AKAP13: variants seen among roughly 807,000 people sequenced by gnomAD.
AKAP13 encodes the protein A-kinase anchoring protein 13.
In AKAP13, 80 loss-of-function variants were observed where a neutral mutation model predicts 264.5. The ratio of observed to expected loss-of-function variants is 0.30; its 90% CI spans 0.25 to 0.36. The LOEUF (loss-of-function observed/expected upper bound fraction) is 0.36. Ranked by LOEUF, AKAP13 falls within the 10% of genes least tolerant of loss-of-function variation. AKAP13 has a pLI of 1.00. For synonymous variants in AKAP13, 1,380 were observed against 1,250.2 expected (o/e 1.10, Z -2.19); for missense variants, 3,712 against 3,435.2 (o/e 1.08, Z -2.01).
intron 1 of AKAP13, among the ~76,000 whole-genome samples, chr15:85,385,298 T>G (rs1196876936): frequency 6.8e-6 from 1 of 146,798 alleles, no homozygotes; most frequent in Non-Finnish European, 1.5e-5. Context: ...TATAGTTGAT[T>G]AAGAAAAATT....
At chr15:85,687,848 G>C (rs1468775448) in intron 16 of AKAP13, among the ~76,000 whole-genome samples, 1 of 152,020 alleles carries the variant, frequency 6.6e-6, no homozygotes, top group Non-Finnish European at 1.5e-5. Flanking sequence ...AGGTCAGCCT[G>C]GGCAGTATAG....
At chr15:85,525,913 G>A (rs780853962) in intron 3 of AKAP13, among the ~76,000 whole-genome samples, 2 of 152,192 alleles carry the variant, frequency 1.3e-5, no homozygotes, top group Non-Finnish European at 2.9e-5. Context: ...AGGATGTTTA[G>A]TGGGTTTTGT....
chr15:85,589,848 A>G (rs1223844379), intron 8 of AKAP13, among the ~76,000 whole-genome samples: 2 of 152,160 alleles, frequency 1.3e-5, no homozygotes, highest in African/African-American at 4.8e-5. Context: ...AAAAGAAGCA[A>G]GCAGATTTCT....
At chr15:85,564,140 G>C (rs958914666) in intron 5 of AKAP13, among the ~76,000 whole-genome samples, 1 of 152,112 alleles carries the variant, frequency 6.6e-6, no homozygotes, top group Non-Finnish European at 1.5e-5. Flanking sequence ...AATAATACTA[G>C]TTTCTTCCCT....
chr15:85,489,293 G>A (rs1297363523), intron 2 of AKAP13, among the ~76,000 whole-genome samples: 1 of 152,180 alleles, frequency 6.6e-6, no homozygotes, highest in Non-Finnish European at 1.5e-5. Context: ...TAAGTGCTTT[G>A]TATATGTTTG....
At chr15:85,595,989 C>CT (rs2079808625) in intron 8 of AKAP13, among the ~76,000 whole-genome samples, 1 of 152,176 alleles carries the variant, frequency 6.6e-6, no homozygotes, top group African/African-American at 2.4e-5. Context: ...CTTCCTGCCT[C>CT]TTTCATTTCA....
rs1421947298 is a variant in AKAP13, at chr15:85,521,511, C to T, written c.117C>T (p.Ser39=). ...TGTTTTACTTGGTATTTTTGGGTTC[C>T]ACCCTCCGTCACTGTACAAGTACTC... ...DVVFYLVFLG[S]TLRHCTSTRK... Residue 39 remains serine (S), a synonymous_variant, in exon 3 of 37, where the codon TCC becomes TCT. Transcript: ENST00000394518. 1.2e-6 allele frequency: 2 copies of T among 1,613,988 alleles called. No individual in the cohort carries two copies. Among genetic ancestry groups the T allele is most frequent in the East Asian group, 2.2e-5 (1 of 44,888 alleles).
intron 36 of AKAP13, chr15:85,744,194 G>A: frequency 3.3e-6 from 1 of 300,646 alleles, no homozygotes; most frequent in Non-Finnish European, 6.2e-6. Context: ...GTATGAAGTT[G>A]GCACTGCTAA....
chr15:85,637,357 T>G (rs1205891202), intron 8 of AKAP13, among the ~76,000 whole-genome samples: 1 of 152,220 alleles, frequency 6.6e-6, no homozygotes, highest in Admixed American at 6.5e-5. Context: ...CTATGTTTTC[T>G]TGAGTGAATT....
At chr15:85,698,446 C>T (rs1185690446) in intron 17 of AKAP13, among the ~76,000 whole-genome samples, 1 of 104,786 alleles carries the variant, frequency 9.5e-6, no homozygotes, top group Non-Finnish European at 1.8e-5. Flanking sequence ...GTCTGGGTGA[C>T]AGAGCAAGAC....
At chr15:85,442,425 T>A (rs911456564) in intron 1 of AKAP13, among the ~76,000 whole-genome samples, 9,940 of 85,142 alleles carry the variant, frequency 0.12, 840 homozygotes, top group Non-Finnish European at 0.16. Flanking sequence ...AAAAAAAAAA[T>A]ATATATATAT....
rs1480162365 is a variant in AKAP13, at chr15:85,582,012, C to A, written c.3944C>A (p.Pro1315His). ...PGESLPMGST[P>H]EEATGSLAGC... is the part of the protein sequence containing the mutation. The stretch of plus-strand genomic sequence containing the variant: ...GAGAGCCTACCAATGGGCAGTACTC[C>A]TGAGGAAGCCACGGGGAGCCTTGCA... Residue 1315 changes from proline (P) to histidine (H), a missense_variant, in exon 7 of 37, where the codon CCT (proline) becomes CAT (histidine). Coordinates refer to ENST00000394518, the MANE Select transcript of AKAP13 (RefSeq NM_007200.5). 3 of 1,614,012 alleles carry A rather than the reference C, an allele frequency of 1.9e-6. No individual in the cohort carries two copies. Among genetic ancestry groups the A allele is most frequent in the Non-Finnish European group, 2.5e-6 (3 of 1,180,020 alleles).
At chr15:85,668,936 C>CT (rs2083754264) in intron 13 of AKAP13, among the ~76,000 whole-genome samples, 1 of 151,968 alleles carries the variant, frequency 6.6e-6, no homozygotes, top group Non-Finnish European at 1.5e-5. Flanking sequence ...CAGTGAGACT[C>CT]TGTCTCAAAA....
At chr15:85,730,809 G>A (rs2087945185) in intron 30 of AKAP13, 102 bp downstream of exon 30, 1 of 1,046,966 alleles carries the variant, frequency 9.6e-7, no homozygotes, top group Non-Finnish European at 1.4e-6. Context: ...AAGCACAAAT[G>A]CAGAAAATTA....
At chr15:85,542,213 A>C (rs925291665) in intron 4 of AKAP13, among the ~76,000 whole-genome samples, 11 of 152,300 alleles carry the variant, frequency 7.2e-5, no homozygotes, top group African/African-American at 2.6e-4. Context: ...TTGATTATTA[A>C]AATTTGTACC....
rs770528600 is a variant in AKAP13 at position 85,521,579 on chromosome 15, A to T, written c.181+4A>T. On this transcript the variant is annotated splice_donor_region_variant and intron_variant, in intron 3 of 36. Transcript: ENST00000394518. Reference sequence around the variant, plus strand: ...ACATTGGAGACCATTGCTCCTGGTAAGTATTTGAATGGGATCCTTACTAGC... The same window carrying T: ...ACATTGGAGACCATTGCTCCTGGTATGTATTTGAATGGGATCCTTACTAGC... 11 of 1,613,752 alleles carry T rather than the reference A, an allele frequency of 6.8e-6. No homozygotes were observed. The South Asian group carries it at 1.2e-4, about 18-fold the overall frequency.
intron 5 of AKAP13, among the ~76,000 whole-genome samples, chr15:85,574,144 T>C (rs1205131833): frequency 2.0e-5 from 3 of 152,256 alleles, no homozygotes; most frequent in Non-Finnish European, 4.4e-5. Context: ...GGTTAGGACT[T>C]CAGACATTTA....
intron 12 of AKAP13, among the ~76,000 whole-genome samples, chr15:85,662,117 T>A (rs1567181149): frequency 6.6e-6 from 1 of 152,158 alleles, no homozygotes; most frequent in Non-Finnish European, 1.5e-5. Context: ...TAGAAGGAAT[T>A]TTTGGGTTTC....
intron 1 of AKAP13, among the ~76,000 whole-genome samples, chr15:85,477,470 G>T (rs545123297): frequency 3.9e-5 from 6 of 152,108 alleles, no homozygotes; most frequent in African/African-American, 1.4e-4. Flanking sequence ...GGAAGTCATG[G>T]TGGGAGTCTG....
Sources: gnomAD v4.1 joint callset for allele counts (sites outside exome capture counted in the v4.1 genomes callset) on GRCh38, gnomAD v4.1.1 for gene constraint, MANE v1.5 for transcripts, NCBI Gene and HGNC (gene_info 2026-07-23, HGNC 2026-07-21) for gene names.